Variants in RORA observed in about 807,000 individuals in gnomAD.
The protein encoded by RORA is nuclear receptor ROR-alpha.
In RORA, 7 loss-of-function variants were observed where a neutral mutation model predicts 69.5. That is an observed-to-expected ratio of 0.10 (90% CI 0.06 to 0.19). The LOEUF is 0.19. RORA is among the 10% of genes least tolerant of loss of function. RORA has a pLI of 1.00. For missense variants in RORA, 457 were observed against 663.0 expected, an observed-to-expected ratio of 0.69 and a Z score of 3.41; for synonymous variants, 261 against 240.8, an observed-to-expected ratio of 1.08 and a Z score of -0.78.
chr15:61,000,695 A>G (rs1173950995), intron 1 of RORA, among the ~76,000 whole-genome samples: 1 of 152,210 alleles, frequency 6.6e-6, no homozygotes, highest in Non-Finnish European at 1.5e-5. Context: ...GGGCAATTTG[A>G]TTACTATTGT....
chr15:60,571,938 T>C (rs1463821452), intron 2 of RORA, among the ~76,000 whole-genome samples: 1 of 152,126 alleles, frequency 6.6e-6, no homozygotes, highest in Non-Finnish European at 1.5e-5. Context: ...GATGTCAGGG[T>C]GATTTATGTA....
intron 1 of RORA, among the ~76,000 whole-genome samples, chr15:60,679,657 TAAAAGTTGTTGA>T (rs569937444): frequency 6.6e-6 from 1 of 152,298 alleles, no homozygotes; most frequent in South Asian, 2.1e-4. Flanking sequence ...CTTTGGAAAG[TAAAAGTTGTTGA>T]AAAATTTGGC....
intron 1 of RORA, among the ~76,000 whole-genome samples, chr15:60,935,210 G>A (rs1892485684): frequency 6.6e-6 from 1 of 152,222 alleles, no homozygotes; most frequent in Non-Finnish European, 1.5e-5. Context: ...CCAGTCATTT[G>A]TTCCTGCACT....
chr15:60,788,056 G>C (rs2072363172), intron 1 of RORA, among the ~76,000 whole-genome samples: 2 of 152,206 alleles, frequency 1.3e-5, no homozygotes, highest in Admixed American at 1.3e-4. Flanking sequence ...GAAGTACAAG[G>C]TGTCTGAAAA....
rs2079161711 is a variant in RORA at position 61,128,453 on chromosome 15, C to T, written c.166+100600G>A. Among the ~76,000 whole-genome samples, 1 of 152,108 alleles carries T rather than the reference C, an allele frequency of 6.6e-6. No homozygotes were observed. Among genetic ancestry groups the T allele is most frequent in the Non-Finnish European group, 1.5e-5 (1 of 68,030 alleles). ...TGTTTGCAGTTAACCACTTACAGGG[C>T]CAGTCACTGGAATTCCCTGGGCATC... On this transcript the variant is annotated intron_variant, in intron 1 of 10. Coordinates refer to ENST00000335670, the MANE Select transcript of RORA (RefSeq NM_134261.3). This position sits in a 1 kb window ranked among gnomAD's most constrained non-coding sequence, Gnocchi z 4.5.
Position 60,760,674 on chromosome 15 carries a change from G to T in RORA, c.167-81988C>A, listed in dbSNP as rs191750587. Reference sequence around the variant, plus strand: ...TTTTCACCTAATGCATAGCAGTGCTGTGAAAATGCTAGGGTTCCATTCCTG... The same window carrying T: ...TTTTCACCTAATGCATAGCAGTGCTTTGAAAATGCTAGGGTTCCATTCCTG... On this transcript the variant is annotated intron_variant, in intron 1 of 10. Transcript: ENST00000335670. 4.2e-4 allele frequency among the ~76,000 whole-genome samples: 64 copies of T among 152,330 alleles called. No homozygotes were observed. In the Middle Eastern group the frequency reaches 0.01, roughly 24 times the overall value.
intron 2 of RORA, among the ~76,000 whole-genome samples, chr15:60,591,318 C>T (rs1297658742): frequency 1.3e-5 from 2 of 152,146 alleles, no homozygotes; most frequent in East Asian, 3.9e-4. Context: ...GGGCGGCGTG[C>T]TGCGGGCTGA....
intron 1 of RORA, among the ~76,000 whole-genome samples, chr15:60,787,238 C>G (rs770987635): frequency 6.6e-6 from 1 of 152,196 alleles, no homozygotes; most frequent in East Asian, 1.9e-4. Flanking sequence ...ACCAAGCCTG[C>G]GAGCTCAAGG....
chr15:60,895,343 A>T (rs1188320754), intron 1 of RORA, among the ~76,000 whole-genome samples: 1 of 152,212 alleles, frequency 6.6e-6, no homozygotes, highest in Admixed American at 6.5e-5. Flanking sequence ...AAGAAAAAAA[A>T]TTAGAAAAAG....
At chr15:60,760,973 T>A (rs1386036193) in intron 1 of RORA, among the ~76,000 whole-genome samples, 1 of 152,176 alleles carries the variant, frequency 6.6e-6, no homozygotes, top group Non-Finnish European at 1.5e-5. Flanking sequence ...AGTTTTTGTA[T>A]GACGCTGCCT....
At chr15:60,639,636 T>C (rs532144239) in intron 2 of RORA, among the ~76,000 whole-genome samples, 121 of 152,298 alleles carry the variant, frequency 7.9e-4, no homozygotes, top group Non-Finnish European at 1.4e-3. Flanking sequence ...GCCACCACTT[T>C]TTCTGCTAAA....
At chr15:60,760,686 G>C (rs563993588) in intron 1 of RORA, among the ~76,000 whole-genome samples, 1 of 152,220 alleles carries the variant, frequency 6.6e-6, no homozygotes, top group South Asian at 2.1e-4. Context: ...GAAAATGCTA[G>C]GGTTCCATTC....
chr15:61,161,050 G>A (rs561166636), intron 1 of RORA, among the ~76,000 whole-genome samples: 2 of 152,092 alleles, frequency 1.3e-5, no homozygotes, highest in Non-Finnish European at 2.9e-5. Flanking sequence ...CATTTGGGAG[G>A]CGGAGGGGGT....
In RORA at chr15:61,147,181, C is replaced by T. The variant is rs534654245; in HGVS notation, c.166+81872G>A. ...TTTTATTCCCCAGAACCTTTGCATG[C>T]GTCAACCACTAGTCATGCCTTGAAC... On this transcript the variant is annotated intron_variant, in intron 1 of 10. Coordinates refer to ENST00000335670, the MANE Select transcript of RORA (RefSeq NM_134261.3). This position sits in a 1 kb window ranked among gnomAD's most constrained non-coding sequence, Gnocchi z 4.1. Among the ~76,000 whole-genome samples, 3 of 152,238 alleles carry T rather than the reference C, an allele frequency of 2.0e-5. No homozygotes were observed. The highest frequency in any genetic ancestry group is 2.1e-4 in the South Asian group (1 of 4,816).
chr15:61,005,664 T>C (rs935258355), intron 1 of RORA, among the ~76,000 whole-genome samples: 6 of 152,200 alleles, frequency 3.9e-5, no homozygotes, highest in African/African-American at 1.4e-4. Context: ...GTTCTAAGCG[T>C]ATAGCTAAAT....
chr15:61,192,528 C>T (rs2079809884), intron 1 of RORA, among the ~76,000 whole-genome samples: 1 of 152,236 alleles, frequency 6.6e-6, no homozygotes, highest in Non-Finnish European at 1.5e-5. Context: ...CAGCTCAGCA[C>T]TGGGCTCTGC....
chr15:60,551,757 AC>A (rs1309709615), intron 2 of RORA, among the ~76,000 whole-genome samples: 1 of 152,010 alleles, frequency 6.6e-6, no homozygotes, highest in Non-Finnish European at 1.5e-5. Flanking sequence ...AACAAATCAA[AC>A]CCCTTTCTTT....
At chr15:61,002,409 TA>T (rs1566939550) in intron 1 of RORA, among the ~76,000 whole-genome samples, 1 of 152,250 alleles carries the variant, frequency 6.6e-6, no homozygotes, top group African/African-American at 2.4e-5. Flanking sequence ...TGGCAAGTTT[TA>T]TTTTGTTTAA....
intron 2 of RORA, among the ~76,000 whole-genome samples, chr15:60,541,329 A>C (rs963178018): frequency 6.6e-6 from 1 of 152,192 alleles, no homozygotes; most frequent in Non-Finnish European, 1.5e-5. Flanking sequence ...TATTTCAAAA[A>C]ATTCTCTTTT....
Sources: allele counts gnomAD v4.1 joint callset (sites outside exome capture counted in the v4.1 genomes callset), GRCh38; gene constraint gnomAD v4.1.1; non-coding constraint Gnocchi (gnomAD v3.1); transcripts MANE v1.5; gene names NCBI Gene and HGNC (gene_info 2026-07-23, HGNC 2026-07-21).